PCMTD2: variants seen among roughly 807,000 people sequenced by gnomAD.
The protein encoded by PCMTD2 is protein-L-isoaspartate (D-aspartate) O-methyltransferase domain containing 2, also known as protein-L-isoaspartate O-methyltransferase domain-containing protein 2.
PCMTD2 carries 16 observed loss-of-function variants against 33.4 expected under a neutral mutation model. The observed-to-expected ratio is 0.48, with a 90% CI of 0.32 to 0.73. PCMTD2 has a LOEUF of 0.73. Ranked by LOEUF, PCMTD2 falls within the 30% of genes least tolerant of loss-of-function variation. The pLI is 0.03. For missense variants in PCMTD2, 374 were observed against 449.9 expected, an observed-to-expected ratio of 0.83 and a Z score of 1.53; for synonymous variants, 161 against 160.8, an observed-to-expected ratio of 1.00 and a Z score of -0.01.
chr20:64,265,393 A>G lies in PCMTD2; in HGVS notation c.546A>G (p.Lys182=). Residue 182 remains lysine (K), a synonymous_variant, in exon 4 of 6, where the codon AAA becomes AAG. Coordinates refer to ENST00000308824, the MANE Select transcript of PCMTD2 (RefSeq NM_018257.3). ...EHEEYMKNLL[K]VGGILVMPLE... ...AAGAGTACATGAAGAATCTTCTCAA[A>G]GTGGGAGGGATCCTTGTCATGCCAC... 1 of 1,613,348 alleles carries G rather than the reference A, an allele frequency of 6.2e-7. No individual in the cohort carries two copies. The highest frequency in any genetic ancestry group is 8.5e-7 in the Non-Finnish European group (1 of 1,179,662).
chr20:64,256,094 G>A (rs1283667821), intron 1 of PCMTD2, among the ~76,000 whole-genome samples: 2 of 152,146 alleles, frequency 1.3e-5, no homozygotes, highest in African/African-American at 4.8e-5. Context: ...TTTCCCGTCG[G>A]TCTCTCCCGG....
chr20:64,263,296 C>T (rs1985511657), intron 2 of PCMTD2, among the ~76,000 whole-genome samples: 2 of 152,146 alleles, frequency 1.3e-5, no homozygotes, highest in Admixed American at 1.3e-4. Flanking sequence ...AATGTTTTAG[C>T]AGCAGCTCTG....
At chr20:64,272,772 A>G (rs1283950135) in intron 5 of PCMTD2, among the ~76,000 whole-genome samples, 7 of 152,202 alleles carry the variant, frequency 4.6e-5, no homozygotes, top group Non-Finnish European at 8.8e-5. Context: ...GTAAGTCGAG[A>G]TCACACCCTT....
At chr20:64,264,881 G>A (rs1029102273) in intron 3 of PCMTD2, among the ~76,000 whole-genome samples, 2 of 152,014 alleles carry the variant, frequency 1.3e-5, no homozygotes, top group Non-Finnish European at 2.9e-5. Flanking sequence ...CTTATTTTAG[G>A]GATTAAAATT....
At chr20:64,260,745 G>A (rs1371641137) in intron 2 of PCMTD2, among the ~76,000 whole-genome samples, 1 of 128,650 alleles carries the variant, frequency 7.8e-6, no homozygotes, top group Non-Finnish European at 1.5e-5. Flanking sequence ...GTGCCCCATC[G>A]TCTAGGCTGG....
At chr20:64,257,373 TGC>T (rs1985211600) in intron 1 of PCMTD2, among the ~76,000 whole-genome samples, 1 of 152,240 alleles carries the variant, frequency 6.6e-6, no homozygotes, top group Non-Finnish European at 1.5e-5. Flanking sequence ...TATGGACTGT[TGC>T]TAGTTACCAC....
Position 64,264,508 on chromosome 20 carries a change from C to G in PCMTD2, c.387C>G (p.Ile129Met). Residue 129 changes from isoleucine (I) to methionine (M), a missense_variant, in exon 3 of 6, where the codon ATC (isoleucine) becomes ATG (methionine). Transcript: ENST00000308824. The part of the protein sequence containing the change: ...EYAKQKLDFF[I>M]RTSDSFDKFD... Reference sequence around the variant, plus strand: ...CAAAGCAGAAACTGGACTTCTTCATCAGAACAAGTGATAGTTTTGACAAGT... The same window carrying G: ...CAAAGCAGAAACTGGACTTCTTCATGAGAACAAGTGATAGTTTTGACAAGT... The G allele has an allele frequency of 6.4e-7, 1 of 1,571,594 alleles. No homozygotes were observed. The highest frequency in any genetic ancestry group is 8.8e-7 in the Non-Finnish European group (1 of 1,141,392).
chr20:64,267,810 G>A, intron 4 of PCMTD2, 77 bp from the exon 5 acceptor site: 1 of 1,182,412 alleles, frequency 8.5e-7, no homozygotes, highest in Admixed American at 2.1e-5. Flanking sequence ...TATTTTTATA[G>A]TATGTATAGG....
intron 5 of PCMTD2, chr20:64,272,253 CAA>C (rs1012409835): frequency 2.9e-6 from 1 of 340,568 alleles, no homozygotes; most frequent in African/African-American, 2.7e-5. Context: ...GTGCACAACA[CAA>C]GAGCTCTCCC....
At position 64,273,514 on chromosome 20, in the gene PCMTD2, C is replaced by G. The variant is rs1315354400; in HGVS notation, c.1000C>G (p.Pro334Ala). 2 of 1,597,304 alleles carry G rather than the reference C, an allele frequency of 1.3e-6. No homozygotes were observed. Among genetic ancestry groups the G allele is most frequent in the South Asian group, 2.3e-5 (2 of 87,996 alleles). ...KTPPETKPDP[P>A]VNFLRQKVLS... ...CCCGCCGGAAACAAAGCCAGACCCC[C>G]CAGTGAACTTCCTACGCCAGAAGGT... The change falls in exon 6 of 6, where the codon CCA becomes GCA. Residue 334 changes from proline to alanine, a missense_variant. Physicochemically the swap from Pro to Ala is conservative, Grantham distance 27. Coordinates refer to ENST00000308824, the MANE Select transcript of PCMTD2 (RefSeq NM_018257.3).
intron 5 of PCMTD2, among the ~76,000 whole-genome samples, chr20:64,268,507 T>G (rs527437850): frequency 1.1e-4 from 16 of 152,340 alleles, no homozygotes; most frequent in Non-Finnish European, 2.4e-4. Context: ...CGAGCCTTTG[T>G]GTTTCACTAT....
At chr20:64,267,797 A>G (rs1021775204) in intron 4 of PCMTD2, 90 bp from the exon 5 acceptor site, 27 of 1,056,964 alleles carry the variant, frequency 2.6e-5, no homozygotes, top group Middle Eastern at 4.2e-4. Flanking sequence ...AAGCATTTCT[A>G]TGTATTTTTA....
intron 4 of PCMTD2, among the ~76,000 whole-genome samples, chr20:64,266,994 C>A (rs1331359469): frequency 6.6e-6 from 1 of 152,110 alleles, no homozygotes; most frequent in African/African-American, 2.4e-5. Context: ...TTACTTAGTA[C>A]GTGGCGACTT....
At position 64,266,297 on chromosome 20, in the gene PCMTD2, G is replaced by T. The variant is rs73626472; in HGVS notation, c.582+868G>T. 1.9e-3 allele frequency among the ~76,000 whole-genome samples: 287 copies of T among 151,808 alleles called. 2 individuals are homozygous for T. The highest frequency in any genetic ancestry group is 6.8e-3 in the African/African-American group (280 of 41,326). The stretch of plus-strand genomic sequence containing the variant: ...TTTAGAGACAGAGTCTCGCTCTGTC[G>T]CCCAGGCTGGAGTGCAGTGGCGCGA... On this transcript the variant is annotated intron_variant, in intron 4 of 5. Transcript: ENST00000308824.
Position 64,274,044 on chromosome 20 carries a change from T to C in PCMTD2, c.*444T>C. The C allele has an allele frequency of 6.5e-6, 1 of 154,888 alleles. No homozygotes were observed. The highest frequency in any genetic ancestry group is 2.4e-5 in the African/African-American group (1 of 41,696). The allele number at this position is 154,888 out of a possible 1,614,324, so 9.6% of individuals were successfully genotyped here. On this transcript the variant is annotated 3_prime_UTR_variant, in exon 6 of 6. Coordinates refer to ENST00000308824, the MANE Select transcript of PCMTD2 (RefSeq NM_018257.3). ...CAAGCTTATAAATGTATAAAATCTTTTCTGGGTGTGACGCACCTGCGTCCA... is the reference window on the plus strand; with the variant it reads ...CAAGCTTATAAATGTATAAAATCTTCTCTGGGTGTGACGCACCTGCGTCCA...
chr20:64,265,217 A>G (rs778507947), intron 3 of PCMTD2, 41 bp from the exon 4 acceptor site: 11 of 1,500,264 alleles, frequency 7.3e-6, no homozygotes, highest in Non-Finnish European at 1.0e-5. Context: ...ACTTGTTGCA[A>G]TGTGATACTT....
At chr20:64,260,708 T>G (rs919803021) in intron 2 of PCMTD2, among the ~76,000 whole-genome samples, 2 of 84,556 alleles carry the variant, frequency 2.4e-5, no homozygotes, top group Admixed American at 1.1e-4. Context: ...TTTTGTTGGT[T>G]TTTTTTTTTT....
rs751551512 is a variant in PCMTD2, at chr20:64,273,489, C to T, written c.975C>T (p.Thr325=). ...AACGGAGGGAAGAAGAAGAGAAGAC[C>T]CCGCCGGAAACAAAGCCAGACCCCC... The part of the protein sequence containing the change: ...EEERREEEEK[T]PPETKPDPPV... Residue 325 remains threonine (T), a synonymous_variant, in exon 6 of 6, where the codon ACC becomes ACT. Transcript: ENST00000308824. The T allele has an allele frequency of 1.9e-6, 3 of 1,610,338 alleles. No individual in the cohort carries two copies. Among genetic ancestry groups the T allele is most frequent in the South Asian group, 2.2e-5 (2 of 90,484 alleles).
intron 2 of PCMTD2, among the ~76,000 whole-genome samples, chr20:64,261,261 C>T (rs576008924): frequency 1.3e-5 from 2 of 152,260 alleles, no homozygotes; most frequent in South Asian, 4.2e-4. Flanking sequence ...AGGAGCTGAT[C>T]TGTAAACAGG....
Sources: gnomAD v4.1 joint callset for allele counts (sites outside exome capture counted in the v4.1 genomes callset) on GRCh38, gnomAD v4.1.1 for gene constraint, MANE v1.5 for transcripts, NCBI Gene and HGNC (gene_info 2026-07-23, HGNC 2026-07-21) for gene names.